Variants in SPSB4 observed in about 807,000 individuals in gnomAD.
SPSB4 encodes splA/ryanodine receptor domain and SOCS box containing 4.
A neutral mutation model predicts 20.9 loss-of-function variants in SPSB4; 21 were observed. That is an observed-to-expected ratio of 1.01 (90% CI 0.71 to 1.45). The LOEUF (loss-of-function observed/expected upper bound fraction) is 1.45, where lower values mean the gene tolerates loss of function less well. Among genes scored for constraint, SPSB4 ranks in the 40% most tolerant of loss-of-function variants. The probability of loss-of-function intolerance (pLI) is 0.00; values close to 1 mark genes in which losing one functional copy is unlikely to be tolerated. For synonymous variants in SPSB4, 207 were observed against 183.8 expected, an observed-to-expected ratio of 1.13 and a Z score of -1.02; for missense variants, 399 against 399.2, an observed-to-expected ratio of 1.00 and a Z score of 0.00.
At chr3:141,138,844 A>G (rs968225982) in intron 2 of SPSB4, among the ~76,000 whole-genome samples, 1 of 152,178 alleles carries the variant, frequency 6.6e-6, no homozygotes, top group Non-Finnish European at 1.5e-5. Context: ...GTAGATGTCT[A>G]TTAGGTCCGC....
chr3:141,123,375 T>C (rs1939000889), intron 2 of SPSB4, among the ~76,000 whole-genome samples: 1 of 152,260 alleles, frequency 6.6e-6, no homozygotes, highest in African/African-American at 2.4e-5. Flanking sequence ...TTTGTGCTTA[T>C]TATTCCTTTG....
At chr3:141,114,414 G>A (rs147878336) in intron 2 of SPSB4, among the ~76,000 whole-genome samples, 3 of 152,300 alleles carry the variant, frequency 2.0e-5, no homozygotes, top group East Asian at 1.9e-4. Context: ...GACGAAACAC[G>A]GTGAATGCGC....
intron 2 of SPSB4, among the ~76,000 whole-genome samples, chr3:141,111,877 A>G (rs1938802808): frequency 6.6e-6 from 1 of 152,148 alleles, no homozygotes; most frequent in Non-Finnish European, 1.5e-5. Context: ...GTGGAACCCA[A>G]AACCTGTTCC....
intron 2 of SPSB4, among the ~76,000 whole-genome samples, chr3:141,100,665 A>T (rs1378686307): frequency 6.6e-6 from 1 of 152,210 alleles, no homozygotes; most frequent in Non-Finnish European, 1.5e-5. Flanking sequence ...GTTAGGGTGC[A>T]TCTTCTCAGC....
Position 141,066,817 on chromosome 3 carries a change from G to C in SPSB4, c.694+19G>C. On this transcript the variant is annotated intron_variant, in intron 2 of 2. Coordinates refer to ENST00000310546, the MANE Select transcript of SPSB4 (RefSeq NM_080862.3). The stretch of plus-strand genomic sequence containing the variant: ...CTTGACCGTAAGTTGTGCTGGGCTG[G>C]GGGGCAGGGCTTTCAGAGGCTGCCA... 1 of 1,512,832 alleles carries C rather than the reference G, an allele frequency of 6.6e-7. No homozygotes were observed. The highest frequency in any genetic ancestry group is 8.9e-7 in the Non-Finnish European group (1 of 1,126,986). The allele number at this position is 1,512,832 out of a possible 1,614,324, so 93.7% of individuals were successfully genotyped here. A position where few individuals can be genotyped will look rare whatever the true frequency, so the allele number is the denominator to read the frequency against.
intron 2 of SPSB4, among the ~76,000 whole-genome samples, chr3:141,108,266 A>G (rs1938732763): frequency 6.6e-6 from 1 of 152,086 alleles, no homozygotes; most frequent in Non-Finnish European, 1.5e-5. Context: ...CCCCGATGAC[A>G]CCTTTGCTAT....
At chr3:141,057,359 C>CATTG (rs1417442963) in intron 1 of SPSB4, among the ~76,000 whole-genome samples, 1 of 152,212 alleles carries the variant, frequency 6.6e-6, no homozygotes, top group Non-Finnish European at 1.5e-5. Flanking sequence ...AGGCACCTAT[C>CATTG]ATTGGTACCT....
intron 2 of SPSB4, among the ~76,000 whole-genome samples, chr3:141,144,540 C>T (rs962855970): frequency 1.3e-5 from 2 of 152,236 alleles, no homozygotes; most frequent in African/African-American, 4.8e-5. Context: ...ACTCTCCGAG[C>T]TCTTAAAGTT....
chr3:141,083,550 C>T (rs780390279), intron 2 of SPSB4, among the ~76,000 whole-genome samples: 7 of 152,026 alleles, frequency 4.6e-5, no homozygotes, highest in South Asian at 2.1e-4. Flanking sequence ...CAGAGGAGTG[C>T]GACCTCCCAG....
chr3:141,110,535 CA>C (rs1938779774), intron 2 of SPSB4, among the ~76,000 whole-genome samples: 2 of 152,208 alleles, frequency 1.3e-5, no homozygotes, highest in South Asian at 4.1e-4. Context: ...AGACAATCCC[CA>C]AACCTCACTG....
intron 2 of SPSB4, among the ~76,000 whole-genome samples, chr3:141,082,402 G>T (rs1413044130): frequency 6.6e-6 from 1 of 152,168 alleles, no homozygotes; most frequent in Admixed American, 6.5e-5. Flanking sequence ...ATGATGGATT[G>T]TCTGCTACAC....
At chr3:141,132,179 T>C (rs1252537481) in intron 2 of SPSB4, 1 of 439,984 alleles carries the variant, frequency 2.3e-6, no homozygotes, top group Non-Finnish European at 4.5e-6. Context: ...TCTTTGTTTT[T>C]TTTTTTGAGA....
intron 2 of SPSB4, among the ~76,000 whole-genome samples, chr3:141,072,025 G>A (rs547322545): frequency 6.6e-6 from 1 of 152,348 alleles, no homozygotes; most frequent in Non-Finnish European, 1.5e-5. Flanking sequence ...CCGGGGTAGT[G>A]AGGTCCTCCC....
intron 2 of SPSB4, among the ~76,000 whole-genome samples, chr3:141,087,378 T>A (rs1266694987): frequency 2.6e-5 from 4 of 152,130 alleles, no homozygotes; most frequent in African/African-American, 2.4e-5. Context: ...TTTAGTGAAG[T>A]GGTAGGAAGC....
intron 1 of SPSB4, among the ~76,000 whole-genome samples, chr3:141,059,248 G>A (rs1385944708): frequency 2.0e-5 from 3 of 152,104 alleles, no homozygotes; most frequent in Non-Finnish European, 4.4e-5. Flanking sequence ...ATCTCTCAAA[G>A]GCTCCACCTC....
At chr3:141,057,907 G>C (rs545260204) in intron 1 of SPSB4, among the ~76,000 whole-genome samples, 6 of 152,244 alleles carry the variant, frequency 3.9e-5, no homozygotes, top group Admixed American at 6.5e-5. Flanking sequence ...CAGATCTCTC[G>C]TGGAGTCTGA....
chr3:141,092,745 G>A (rs991882188), intron 2 of SPSB4, among the ~76,000 whole-genome samples: 2 of 152,232 alleles, frequency 1.3e-5, no homozygotes, highest in Non-Finnish European at 2.9e-5. Context: ...GGCAGGGAAC[G>A]AGGAGGCAAC....
At chr3:141,121,401 C>G (rs749463578) in intron 2 of SPSB4, among the ~76,000 whole-genome samples, 12 of 152,140 alleles carry the variant, frequency 7.9e-5, no homozygotes, top group Non-Finnish European at 1.3e-4. Flanking sequence ...TGGGGTTGCT[C>G]TTCTCAAGGA....
intron 2 of SPSB4, among the ~76,000 whole-genome samples, chr3:141,079,104 A>G (rs371180953): frequency 6.6e-6 from 1 of 152,140 alleles, no homozygotes; most frequent in South Asian, 2.1e-4. Flanking sequence ...TACTAAAAAT[A>G]CACAAAAATA....
Sources: allele counts gnomAD v4.1 joint callset (sites outside exome capture counted in the v4.1 genomes callset), GRCh38; gene constraint gnomAD v4.1.1; transcripts MANE v1.5; gene names NCBI Gene and HGNC (gene_info 2026-07-23, HGNC 2026-07-21).